The following MIOS variants were observed in gnomAD, a reference collection of about 807,000 sequenced individuals.
MIOS encodes the protein GATOR2 complex protein MIOS.
A neutral mutation model predicts 96.9 loss-of-function variants in MIOS; 52 were observed. That is an observed-to-expected ratio of 0.54 (90% CI 0.43 to 0.68). The LOEUF (loss-of-function observed/expected upper bound fraction) is 0.68. Ranked by LOEUF, MIOS falls within the 30% of genes least tolerant of loss-of-function variation. The probability of loss-of-function intolerance (pLI) is 0.00; values close to 1 mark genes in which losing one functional copy is unlikely to be tolerated. For synonymous variants in MIOS, 397 were observed against 359.5 expected, an observed-to-expected ratio of 1.10 and a Z score of -1.18; for missense variants, 1,005 against 1,052.8, an observed-to-expected ratio of 0.95 and a Z score of 0.63.
rs375548915 is a variant in MIOS at position 7,574,172 on chromosome 7, A to G, written c.1369A>G (p.Lys457Glu). ...NKGSLVYAGIKSIVKSSLGMV... is the reference protein window; with the variant it reads ...NKGSLVYAGIESIVKSSLGMV... ...AGGATCATTGGTTTATGCAGGAATT[A>G]AATCAATTGTAAAGTCATCGTTGGG... The change falls in exon 5 of 13, where the codon AAA becomes GAA. Residue 457 changes from lysine to glutamate, a missense_variant. Lys to Glu is a moderately conservative substitution (Grantham distance 56). Coordinates refer to ENST00000340080, the MANE Select transcript of MIOS (RefSeq NM_019005.4). 3 of 1,609,634 alleles carry G rather than the reference A, an allele frequency of 1.9e-6. No individual in the cohort carries two copies. The African/African-American group carries it at 4.0e-5, about 22-fold the overall frequency.
At chr7:7,588,701 A>T (rs1319233250) in intron 8 of MIOS, 138 bp downstream of exon 8, 1 of 460,592 alleles carries the variant, frequency 2.2e-6, no homozygotes, top group Non-Finnish European at 3.6e-6. Context: ...AATTTATTAG[A>T]TAAAAATATT....
Position 7,597,355 on chromosome 7 carries a change from A to T in MIOS, c.2401+894A>T, listed in dbSNP as rs567938937. Among the ~76,000 whole-genome samples, 33 of 149,054 alleles carry T rather than the reference A, an allele frequency of 2.2e-4. No individual in the cohort carries two copies. The South Asian group carries it at 5.7e-3, about 26-fold the overall frequency. ...TTAAAAAAAAAAAATGTTTTTAATT[A>T]AAAAATAATAATAAATAAGAAAATA... is the stretch of plus-strand genomic sequence containing the variant. On this transcript the variant is annotated intron_variant, in intron 11 of 12. Coordinates refer to ENST00000340080, the MANE Select transcript of MIOS (RefSeq NM_019005.4).
chr7:7,593,224 A>C lies in MIOS; in HGVS notation c.2044-1756A>C, dbSNP rs562100045. 6.6e-5 allele frequency among the ~76,000 whole-genome samples: 10 copies of C among 152,332 alleles called. No homozygotes were observed. The South Asian group carries it at 2.1e-3, about 32-fold the overall frequency. ...GGTACTTAGTTCTGCCTACTTGGTC[A>C]TAATTAGGGCTAGAGTAGACCTCTA... is the stretch of plus-strand genomic sequence containing the variant. On this transcript the variant is annotated intron_variant, in intron 9 of 12. Coordinates refer to ENST00000340080, the MANE Select transcript of MIOS (RefSeq NM_019005.4).
chr7:7,600,153 C>T (rs1353941373), intron 11 of MIOS, among the ~76,000 whole-genome samples: 1 of 151,256 alleles, frequency 6.6e-6, no homozygotes, highest in Non-Finnish European at 1.5e-5. Context: ...GCACATGTAC[C>T]CCTGAAACTA....
At chr7:7,601,622 C>T (rs1296259958) in intron 11 of MIOS, among the ~76,000 whole-genome samples, 1 of 152,170 alleles carries the variant, frequency 6.6e-6, no homozygotes, top group Non-Finnish European at 1.5e-5. Context: ...GATGGATTCA[C>T]AGCCGAACTC....
intron 6 of MIOS, 128 bp from the exon 7 acceptor site, chr7:7,585,508 C>A (rs756741667): frequency 1.1e-5 from 8 of 721,446 alleles, no homozygotes; most frequent in Non-Finnish European, 1.6e-5. Flanking sequence ...AGCCCAAAAC[C>A]CTTATTCTCT....
intron 11 of MIOS, among the ~76,000 whole-genome samples, chr7:7,600,033 G>A (rs996760660): frequency 6.6e-6 from 1 of 152,024 alleles, no homozygotes; most frequent in South Asian, 2.1e-4. Context: ...GTGCTAGGTG[G>A]GAGGAGGATC....
chr7:7,566,941 G>A lies in MIOS; in HGVS notation c.-352G>A, dbSNP rs921420991. ...TCCAGGCGTGGTGGTGGGGTCGTGG[G>A]TCCCAGCCCAGTGGTCCAGGTCACG... On this transcript the variant is annotated 5_prime_UTR_variant, in exon 1 of 13. Coordinates refer to ENST00000340080, the MANE Select transcript of MIOS (RefSeq NM_019005.4). The A allele has an allele frequency of 1.3e-5, 2 of 151,612 alleles. No homozygotes were observed. Among genetic ancestry groups the A allele is most frequent in the Admixed American group, 6.6e-5 (1 of 15,246 alleles). The allele number at this position is 151,612 out of a possible 1,614,324, so 9.4% of individuals were successfully genotyped here.
chr7:7,604,963 A>C (rs1050347022), intron 11 of MIOS, among the ~76,000 whole-genome samples: 6 of 152,128 alleles, frequency 3.9e-5, no homozygotes, highest in African/African-American at 1.4e-4. Context: ...CCCTTTCAGG[A>C]GTAATTCTAG....
rs757243849 is a variant in MIOS, at chr7:7,573,620, A to G, written c.1145A>G (p.Asn382Ser). 9.3e-6 allele frequency: 15 copies of G among 1,613,946 alleles called. No individual in the cohort carries two copies. Among genetic ancestry groups the G allele is most frequent in the Non-Finnish European group, 1.3e-5 (15 of 1,179,946 alleles). ...TTATATGAATGTACGGAAGAAGAAA[A>G]TGATAATTCTTTAGAAAAAGATATA... The part of the protein sequence containing the change: ...RHLYECTEEE[N>S]DNSLEKDIAT... Residue 382 changes from asparagine to serine, a missense_variant, in exon 4 of 13, where the codon AAT becomes AGT. By Grantham distance (46) the Asn-to-Ser change is conservative (BLOSUM62 1). Coordinates refer to ENST00000340080, the MANE Select transcript of MIOS (RefSeq NM_019005.4). This position sits in a 1 kb window ranked among gnomAD's most constrained non-coding sequence, Gnocchi z 5.0.
At position 7,572,482 on chromosome 7, in the gene MIOS, G is replaced by A. The variant is rs766345026; in HGVS notation, c.7G>A (p.Gly3Ser). MS[G>S]TKPDILWAPH... ...TTTGATCACATCAGTAAACATGAGCGGTACCAAACCTGATATTTTATGGGC... is the reference window on the plus strand; with the variant it reads ...TTTGATCACATCAGTAAACATGAGCAGTACCAAACCTGATATTTTATGGGC... The change falls in exon 4 of 13, where the codon GGT becomes AGT. Residue 3 changes from glycine (G) to serine (S), a missense_variant. By Grantham distance (56) the Gly-to-Ser change is moderately conservative. Transcript: ENST00000340080. The surrounding 1 kb of genome is among the most constrained non-coding windows in gnomAD (Gnocchi z 4.8). 69 of 1,609,366 alleles carry A rather than the reference G, an allele frequency of 4.3e-5. No homozygotes were observed. In the Admixed American group the frequency reaches 7.9e-4, roughly 18 times the overall value.
chr7:7,593,259 G>C (rs892670105), intron 9 of MIOS, among the ~76,000 whole-genome samples: 1 of 152,138 alleles, frequency 6.6e-6, no homozygotes, highest in Non-Finnish European at 1.5e-5. Context: ...ACTTTTTTAA[G>C]AAATGAAATT....
Position 7,572,074 on chromosome 7 carries a change from GT to G in MIOS, c.-40-358del, listed in dbSNP as rs1335652596. The stretch of plus-strand genomic sequence containing the variant: ...TATTGCTTAGGAATATGATTCATAA[GT>G]TTTCCCCCCTTCAAAGGGATAATAC... On this transcript the variant is annotated intron_variant, in intron 3 of 12. Transcript: ENST00000340080. This position sits in a 1 kb window ranked among gnomAD's most constrained non-coding sequence, Gnocchi z 4.8. Among the ~76,000 whole-genome samples, 1 of 152,188 alleles carries G rather than the reference GT, an allele frequency of 6.6e-6. No homozygotes were observed. Among genetic ancestry groups the G allele is most frequent in the Non-Finnish European group, 1.5e-5 (1 of 68,032 alleles).
chr7:7,570,244 C>T (rs902119526), intron 3 of MIOS, among the ~76,000 whole-genome samples: 3 of 151,930 alleles, frequency 2.0e-5, no homozygotes, highest in Non-Finnish European at 4.4e-5. Context: ...AGTGAGGAGA[C>T]AAGATGATAA....
chr7:7,591,873 C>T (rs1187913634), intron 9 of MIOS, among the ~76,000 whole-genome samples: 3 of 152,078 alleles, frequency 2.0e-5, no homozygotes, highest in Non-Finnish European at 4.4e-5. Context: ...GGTTTTTCTT[C>T]TAGGACTCTT....
rs1033681635 is a variant in MIOS, at chr7:7,585,684, A to C, written c.1697A>C (p.Asp566Ala). ...GCAATGGCTTTATCGGGTTATACGGATGAGAAGAACTCCCTTTGGAGAGAA... is the reference window on the plus strand; with the variant it reads ...GCAATGGCTTTATCGGGTTATACGGCTGAGAAGAACTCCCTTTGGAGAGAA... The part of the protein sequence containing the change: ...VVAMALSGYT[D>A]EKNSLWREMC... The change falls in exon 7 of 13, where the codon GAT becomes GCT. Residue 566 changes from aspartate to alanine, a missense_variant. Asp to Ala is a moderately radical substitution (Grantham distance 126). Around this residue, in one of 3 missense-constraint regions of MIOS, gnomAD observed 865 missense variants for 887.9 expected, o/e 0.97. Coordinates refer to ENST00000340080, the MANE Select transcript of MIOS (RefSeq NM_019005.4). The C allele has an allele frequency of 1.2e-6, 2 of 1,609,476 alleles. No homozygotes were observed. Among genetic ancestry groups the C allele is most frequent in the Non-Finnish European group, 1.7e-6 (2 of 1,178,028 alleles).
At chr7:7,588,865 TA>T (rs1783966616) in intron 8 of MIOS, among the ~76,000 whole-genome samples, 1 of 152,136 alleles carries the variant, frequency 6.6e-6, no homozygotes, top group South Asian at 2.1e-4. Context: ...TTTACTACAT[TA>T]AACAATGCTA....
At chr7:7,604,826 A>G (rs1019126028) in intron 11 of MIOS, among the ~76,000 whole-genome samples, 1 of 152,216 alleles carries the variant, frequency 6.6e-6, no homozygotes, top group African/African-American at 2.4e-5. Context: ...TAGAAGTTAC[A>G]AAAACAAAGT....
chr7:7,591,313 T>TTTTA (rs1784042818), intron 9 of MIOS, among the ~76,000 whole-genome samples: 1 of 150,402 alleles, frequency 6.6e-6, no homozygotes. Flanking sequence ...TTTTTTTTTT[T>TTTTA]GAGACAGGGT....
Sources: gnomAD v4.1 joint callset for allele counts (sites outside exome capture counted in the v4.1 genomes callset) on GRCh38, gnomAD v4.1.1 for gene constraint, gnomAD v4.1.1 regional missense constraint, Gnocchi (gnomAD v3.1) non-coding constraint, MANE v1.5 for transcripts, NCBI Gene and HGNC (gene_info 2026-07-23, HGNC 2026-07-21) for gene names.